The following FLT1 variants were observed in gnomAD, a reference collection of about 807,000 sequenced individuals.
FLT1 encodes fms related receptor tyrosine kinase 1, also known as vascular endothelial growth factor receptor 1.
FLT1 carries 49 observed loss-of-function variants against 156.3 expected under a neutral mutation model. That is an observed-to-expected ratio of 0.31 (90% CI 0.25 to 0.40). FLT1 has a LOEUF of 0.40. Among genes scored for constraint, FLT1 ranks in the 10% least tolerant of loss-of-function variants. The pLI is 1.00. For synonymous variants in FLT1, 594 were observed against 583.8 expected, an observed-to-expected ratio of 1.02 and a Z score of -0.25; for missense variants, 1,322 against 1,637.2, an observed-to-expected ratio of 0.81 and a Z score of 3.32.
chr13:28,456,692 A>G (rs1005675145), intron 3 of FLT1, among the ~76,000 whole-genome samples: 11 of 151,988 alleles, frequency 7.2e-5, no homozygotes, highest in African/African-American at 2.7e-4. Flanking sequence ...GCTACTTGGG[A>G]GGCTGAGGCA....
At chr13:28,327,933 A>C (rs1161518784) in intron 19 of FLT1, among the ~76,000 whole-genome samples, 1 of 152,130 alleles carries the variant, frequency 6.6e-6, no homozygotes, top group African/African-American at 2.4e-5. Context: ...CAGTCCTGGA[A>C]CTATTAAGCA....
intron 14 of FLT1, among the ~76,000 whole-genome samples, chr13:28,372,977 A>G (rs1873688642): frequency 6.6e-6 from 1 of 152,210 alleles, no homozygotes; most frequent in Non-Finnish European, 1.5e-5. Context: ...CATTAAATGA[A>G]AAGTTTAAAA....
Position 28,322,469 on chromosome 13 carries a change from A to G in FLT1, c.2954-110T>C. On this transcript the variant is annotated intron_variant, in intron 21 of 29. Transcript: ENST00000282397. This position sits in a 1 kb window ranked among gnomAD's most constrained non-coding sequence, Gnocchi z 4.3. ...CATAAAACAAACCAACAAGTAGATC[A>G]GAGTTCATTTTTAAGAGTATTTGAG... 1 of 798,002 alleles carries G rather than the reference A, an allele frequency of 1.3e-6. No homozygotes were observed. The highest frequency in any genetic ancestry group is 2.2e-6 in the Non-Finnish European group (1 of 463,686). The allele number at this position is 798,002 out of a possible 1,614,324, so 49.4% of individuals were successfully genotyped here. A position where few individuals can be genotyped will look rare whatever the true frequency, so the allele number is the denominator to read the frequency against.
At chr13:28,416,098 C>G (rs896159496) in intron 10 of FLT1, among the ~76,000 whole-genome samples, 3 of 152,192 alleles carry the variant, frequency 2.0e-5, no homozygotes, top group Non-Finnish European at 4.4e-5. Flanking sequence ...TACTTCACAC[C>G]TATTATGACA....
At chr13:28,316,870 G>A (rs9513076) in intron 25 of FLT1, among the ~76,000 whole-genome samples, 344 of 152,150 alleles carry the variant, frequency 2.3e-3, no homozygotes, top group Middle Eastern at 6.8e-3. Context: ...TGATCCGCCC[G>A]CCTCTGCCTC....
chr13:28,414,060 A>T (rs1876495212), intron 10 of FLT1, among the ~76,000 whole-genome samples: 1 of 152,180 alleles, frequency 6.6e-6, no homozygotes, highest in Non-Finnish European at 1.5e-5. Context: ...GTGCTATGTC[A>T]TTGGCCAACA....
In FLT1 at chr13:28,442,546, A is replaced by T. The variant is rs142767906; in HGVS notation, c.389-4201T>A. ...TATTGGCCTCTAAAAGCCAATACCA[A>T]TTTCAGCACTGGGTCCACTGAAATT... On this transcript the variant is annotated intron_variant, in intron 3 of 29. Transcript: ENST00000282397. Among the ~76,000 whole-genome samples, 536 of 152,324 alleles carry T rather than the reference A, an allele frequency of 3.5e-3. 5 individuals are homozygous for T. Among genetic ancestry groups the T allele is most frequent in the African/African-American group, 0.012 (507 of 41,570 alleles).
chr13:28,389,005 AGAG>A, intron 13 of FLT1: 1 of 1,065,052 alleles, frequency 9.4e-7, no homozygotes, highest in Non-Finnish European at 1.1e-6. Flanking sequence ...GGATCGCATG[AGAG>A]GAGGGAGGGG....
At chr13:28,411,677 G>A (rs889698538) in intron 10 of FLT1, among the ~76,000 whole-genome samples, 15 of 151,868 alleles carry the variant, frequency 9.9e-5, no homozygotes, top group Non-Finnish European at 1.6e-4. Flanking sequence ...AAGCTGGCCT[G>A]TTTTATTACA....
Position 28,427,164 on chromosome 13 carries a change from T to C in FLT1, c.1431A>G (p.Glu477=). ...FWHPCNHNHS[E]ARCDFCSNNE... ...AAAAAACTGACTGTCCCTACCTTGCTTCGGAATGATTATGGTTACAGGGGT... is the reference window on the plus strand; with the variant it reads ...AAAAAACTGACTGTCCCTACCTTGCCTCGGAATGATTATGGTTACAGGGGT... The change falls in exon 10 of 30, where the codon GAA becomes GAG. Residue 477 remains glutamate (E), a synonymous_variant. Coordinates refer to ENST00000282397, the MANE Select transcript of FLT1 (RefSeq NM_002019.4). 6.2e-7 allele frequency: 1 copy of C among 1,613,984 alleles called. No individual in the cohort carries two copies. Among genetic ancestry groups the C allele is most frequent in the Non-Finnish European group, 8.5e-7 (1 of 1,179,864 alleles).
chr13:28,350,359 A>T (rs1447616125), intron 15 of FLT1, among the ~76,000 whole-genome samples: 1 of 152,146 alleles, frequency 6.6e-6, no homozygotes, highest in African/African-American at 2.4e-5. Flanking sequence ...ATTCCACGTC[A>T]AGTACTCTCC....
At position 28,427,915 on chromosome 13, in the gene FLT1, T is replaced by C; in HGVS notation, c.1113A>G (p.Lys371=). Residue 371 remains lysine, a synonymous_variant, in exon 9 of 30, where the codon AAA becomes AAG. Transcript: ENST00000282397. ...AFPSPEVVWL[K]DGLPATEKSA... ...ATTTCTCAGTCGCAGGTAACCCATC[T>C]TTTAACCTGTGGTTAAAAACATGAT... 6.2e-7 allele frequency: 1 copy of C among 1,613,774 alleles called. No individual in the cohort carries two copies. Among genetic ancestry groups the C allele is most frequent in the Non-Finnish European group, 8.5e-7 (1 of 1,179,702 alleles).
intron 1 of FLT1, among the ~76,000 whole-genome samples, chr13:28,490,078 A>G (rs887702982): frequency 6.6e-5 from 10 of 152,226 alleles, no homozygotes; most frequent in African/African-American, 2.4e-4. Context: ...TAGCAGGAAC[A>G]TCAGGTTCTG....
Position 28,412,369 on chromosome 13 carries a change from T to TTTCTTTCTTTCCTTCC in FLT1, c.1437-6476_1437-6475insGGAAGGAAAGAAAGAA, listed in dbSNP as rs1232167921. On this transcript the variant is annotated intron_variant, in intron 10 of 29. Coordinates refer to ENST00000282397, the MANE Select transcript of FLT1 (RefSeq NM_002019.4). ...TTCTTTCTCTTTCTTTCTTTCTTTC[T>TTTCTTTCTTTCCTTCC]TTCTTTCTTTCTTTCTTTCTTTCTT... Among the ~76,000 whole-genome samples the TTTCTTTCTTTCCTTCC allele has an allele frequency of 1.1e-3, 93 of 83,162 alleles. 2 individuals carry two copies. The highest frequency in any genetic ancestry group is 2.9e-3 in the African/African-American group (84 of 29,396). 54.6% of individuals were successfully genotyped at this position (83,162 alleles called of 152,430 possible). A position where few individuals can be genotyped will look rare whatever the true frequency, so the allele number is the denominator to read the frequency against.
Position 28,300,534 on chromosome 13 carries a change from CA to C in FLT1, c.*2632del. 8.6e-6 allele frequency: 2 copies of C among 231,554 alleles called. No individual in the cohort carries two copies. The highest frequency in any genetic ancestry group is 8.5e-6 in the Non-Finnish European group (1 of 117,182). The allele number at this position is 231,554 out of a possible 1,614,324, so 14.3% of individuals were successfully genotyped here. A position where few individuals can be genotyped will look rare whatever the true frequency, so the allele number is the denominator to read the frequency against. On this transcript the variant is annotated 3_prime_UTR_variant, in exon 30 of 30. Coordinates refer to ENST00000282397, the MANE Select transcript of FLT1 (RefSeq NM_002019.4). ...ACACACATACACCCACACACACACA[CA>C]CACACACACACACACACACACATAC...
chr13:28,348,712 A>C (rs185020565), intron 15 of FLT1, among the ~76,000 whole-genome samples: 1 of 152,288 alleles, frequency 6.6e-6, no homozygotes, highest in East Asian at 1.9e-4. Context: ...GATCGAGACC[A>C]TCCCGGCTAA....
At chr13:28,372,238 T>C (rs547129152) in intron 14 of FLT1, among the ~76,000 whole-genome samples, 1 of 150,296 alleles carries the variant, frequency 6.7e-6, no homozygotes, top group Non-Finnish European at 1.5e-5. Context: ...CTTGACACCA[T>C]GCCTGGCTAA....
At chr13:28,446,024 T>G (rs1034733082) in intron 3 of FLT1, among the ~76,000 whole-genome samples, 1 of 152,222 alleles carries the variant, frequency 6.6e-6, no homozygotes, top group African/African-American at 2.4e-5. Context: ...ATGTAATTAC[T>G]ATATCATGTC....
intron 10 of FLT1, among the ~76,000 whole-genome samples, chr13:28,426,643 G>A (rs1877356904): frequency 6.6e-6 from 1 of 152,222 alleles, no homozygotes; most frequent in South Asian, 2.1e-4. Flanking sequence ...GCTGAGCCAT[G>A]GGGTTTGATA....
Sources: gnomAD v4.1 joint callset for allele counts (sites outside exome capture counted in the v4.1 genomes callset) on GRCh38, gnomAD v4.1.1 for gene constraint, Gnocchi (gnomAD v3.1) non-coding constraint, MANE v1.5 for transcripts, NCBI Gene and HGNC (gene_info 2026-07-23, HGNC 2026-07-21) for gene names.